The following CCDC192 variants were observed in gnomAD, a reference collection of about 807,000 sequenced individuals.
CCDC192 encodes the protein coiled-coil domain-containing protein 192.
chr5:127,895,378 T>TCAAAAGA (rs1469767445), intron 6 of CCDC192, among the ~76,000 whole-genome samples: 1 of 152,140 alleles, frequency 6.6e-6, no homozygotes. Flanking sequence ...CCCAGAGAGA[T>TCAAAAGA]CAAAAGATTG....
At chr5:127,707,948 G>T (rs1441004892) in intron 2 of CCDC192, among the ~76,000 whole-genome samples, 188 bp downstream of exon 2, 1 of 152,058 alleles carries the variant, frequency 6.6e-6, no homozygotes, top group Non-Finnish European at 1.5e-5. Flanking sequence ...GTGGGGTGGA[G>T]TGGTAACTAT....
At chr5:127,757,831 A>ATG (rs150942058) in intron 3 of CCDC192, among the ~76,000 whole-genome samples, 3,107 of 139,164 alleles carry the variant, frequency 0.022, 114 homozygotes, top group African/African-American at 0.074. Context: ...ATCTGTGTGT[A>ATG]TGTGTGTGTG....
At chr5:127,828,684 G>C (rs889060635) in intron 5 of CCDC192, among the ~76,000 whole-genome samples, 7 of 152,184 alleles carry the variant, frequency 4.6e-5, no homozygotes, top group African/African-American at 1.7e-4. Flanking sequence ...AATTGAGCCT[G>C]AGAGTAGGTG....
At chr5:127,709,193 GAGAGAGGGGGAGAGAGA>G (rs1751161711) in intron 2 of CCDC192, among the ~76,000 whole-genome samples, 6 of 110,354 alleles carry the variant, frequency 5.4e-5, no homozygotes, top group African/African-American at 2.2e-4. Context: ...GAGAGAGGTG[GAGAGAGGGGGAGAGAGA>G]GAGAGAGAGA....
At chr5:127,898,494 A>G (rs1257475205) in intron 6 of CCDC192, among the ~76,000 whole-genome samples, 3 of 152,222 alleles carry the variant, frequency 2.0e-5, no homozygotes, top group African/African-American at 7.2e-5. Flanking sequence ...TTGTAGGTGT[A>G]GTAATTTTTA....
chr5:127,807,938 G>T (rs138885313), intron 5 of CCDC192, among the ~76,000 whole-genome samples: 4 of 152,110 alleles, frequency 2.6e-5, no homozygotes, highest in African/African-American at 4.8e-5. Flanking sequence ...GGCAGGAGGG[G>T]GTAGTCTGAT....
At chr5:127,891,273 T>G (rs1166522400) in intron 6 of CCDC192, among the ~76,000 whole-genome samples, 1 of 152,138 alleles carries the variant, frequency 6.6e-6, no homozygotes, top group Non-Finnish European at 1.5e-5. Flanking sequence ...GGGCTGGTCT[T>G]GAACTCCTGA....
At chr5:127,709,513 A>G (rs932189620) in intron 2 of CCDC192, among the ~76,000 whole-genome samples, 1 of 152,204 alleles carries the variant, frequency 6.6e-6, no homozygotes, top group Non-Finnish European at 1.5e-5. Context: ...TCACTTCTGT[A>G]GAATTATTTT....
At chr5:127,903,608 G>T (rs1219130077) in intron 6 of CCDC192, among the ~76,000 whole-genome samples, 1 of 152,164 alleles carries the variant, frequency 6.6e-6, no homozygotes, top group East Asian at 1.9e-4. Context: ...GGTATGTCTG[G>T]TTCATGCAGG....
intron 2 of CCDC192, among the ~76,000 whole-genome samples, chr5:127,729,685 A>G (rs1752528838): frequency 6.6e-6 from 1 of 152,176 alleles, no homozygotes; most frequent in South Asian, 2.1e-4. Context: ...AGACCACAGC[A>G]CAATCAAATT....
intron 2 of CCDC192, among the ~76,000 whole-genome samples, chr5:127,728,060 A>G (rs1217068938): frequency 6.6e-6 from 1 of 152,228 alleles, no homozygotes; most frequent in East Asian, 1.9e-4. Context: ...GACCAAACCT[A>G]CAACTGATTG....
chr5:127,786,213 A>T, intron 3 of CCDC192: 1 of 769,962 alleles, frequency 1.3e-6, no homozygotes, highest in Middle Eastern at 2.4e-4. Context: ...TGCCTTCATG[A>T]AGGTAAACCT....
chr5:127,918,140 CA>C (rs1160707053), intron 6 of CCDC192, among the ~76,000 whole-genome samples: 1 of 142,138 alleles, frequency 7.0e-6, no homozygotes, highest in Non-Finnish European at 1.5e-5. Context: ...GTCTCAAAAG[CA>C]AAAAACAAAA....
chr5:127,888,682 G>A (rs1309203144), intron 6 of CCDC192, among the ~76,000 whole-genome samples: 3 of 152,094 alleles, frequency 2.0e-5, no homozygotes, highest in Admixed American at 6.6e-5. Context: ...TTAATAGAAT[G>A]TACTTAACTC....
chr5:127,846,925 A>G (rs1750578975), intron 5 of CCDC192, among the ~76,000 whole-genome samples: 1 of 151,566 alleles, frequency 6.6e-6, no homozygotes, highest in African/African-American at 2.4e-5. Context: ...TCTACCTTGG[A>G]AAAAGGTCGA....
At chr5:127,703,948 T>C (rs1240032880) in intron 1 of CCDC192, among the ~76,000 whole-genome samples, 3 of 152,232 alleles carry the variant, frequency 2.0e-5, no homozygotes, top group Non-Finnish European at 4.4e-5. Flanking sequence ...AGATCAATGT[T>C]GGCTAGAAAT....
Position 127,847,339 on chromosome 5 carries a change from T to C in CCDC192, c.412-28199T>C, listed in dbSNP as rs185313335. ...CTCATCTTCCAAGAAGCTTCTTCCC[T>C]TGAAATTCACATAGTGAATAGTCCG... On this transcript the variant is annotated intron_variant, in intron 5 of 6. Transcript: ENST00000514853. Among the ~76,000 whole-genome samples, 7 of 152,340 alleles carry C rather than the reference T, an allele frequency of 4.6e-5. No homozygotes were observed. In the East Asian group the frequency reaches 1.4e-3, roughly 29 times the overall value.
intron 6 of CCDC192, among the ~76,000 whole-genome samples, chr5:127,894,164 C>T (rs1192587688): frequency 1.3e-5 from 2 of 150,680 alleles, no homozygotes; most frequent in Non-Finnish European, 3.0e-5. Context: ...ATTCTGATTG[C>T]TCGGATACTT....
intron 2 of CCDC192, among the ~76,000 whole-genome samples, chr5:127,745,912 CAACTG>C (rs1308066150): frequency 9.2e-5 from 14 of 152,230 alleles, no homozygotes; most frequent in Admixed American, 9.2e-4. Context: ...ACTGGGACAA[CAACTG>C]AACACATCTA....
Sources: gnomAD v4.1 joint callset for allele counts (sites outside exome capture counted in the v4.1 genomes callset) on GRCh38, gnomAD v4.1.1 for gene constraint, MANE v1.5 for transcripts, NCBI Gene and HGNC (gene_info 2026-07-23, HGNC 2026-07-21) for gene names.